DUSP19: variants seen among roughly 807,000 people sequenced by gnomAD.
DUSP19 encodes the protein dual specificity phosphatase 19.
DUSP19 carries 14 observed loss-of-function variants against 16.6 expected under a neutral mutation model. That is an observed-to-expected ratio of 0.84 (90% CI 0.56 to 1.32). DUSP19 has a LOEUF of 1.32. DUSP19 is among the 40% of genes most tolerant of loss of function. The pLI, the probability that DUSP19 is intolerant of heterozygous loss-of-function variation, is 0.00. For missense variants in DUSP19, 258 were observed against 255.9 expected, an observed-to-expected ratio of 1.01 and a Z score of -0.06; for synonymous variants, 81 against 90.5, an observed-to-expected ratio of 0.90 and a Z score of 0.59.
intron 2 of DUSP19, 32 bp from the exon 3 acceptor site, chr2:183,087,008 T>A (rs1699671343): frequency 6.3e-7 from 1 of 1,594,018 alleles, no homozygotes; most frequent in African/African-American, 1.3e-5. Flanking sequence ...TCATGGGATT[T>A]AAAACAATCA....
intron 2 of DUSP19, 94 bp from the exon 3 acceptor site, chr2:183,086,946 A>G: frequency 1.6e-6 from 2 of 1,260,586 alleles, no homozygotes; most frequent in South Asian, 1.4e-5. Context: ...TAAATTTTTT[A>G]CCTTTCTTGT....
At chr2:183,080,225 A>T (rs927518452) in intron 1 of DUSP19, among the ~76,000 whole-genome samples, 2 of 152,202 alleles carry the variant, frequency 1.3e-5, no homozygotes, top group African/African-American at 4.8e-5. Flanking sequence ...CAAGCCATTT[A>T]TCCTTTCTGG....
chr2:183,088,491 C>T (rs1231929976), intron 3 of DUSP19, among the ~76,000 whole-genome samples: 13 of 133,318 alleles, frequency 9.8e-5, no homozygotes, highest in African/African-American at 3.4e-4. Flanking sequence ...CTGTAACCTC[C>T]GGCTCACTGC....
At position 183,087,091 on chromosome 2, in the gene DUSP19, G is replaced by A. The variant is rs1316862041; in HGVS notation, c.325G>A (p.Asp109Asn). ...AYGVENAFLSDFTYKSISILD... is the reference protein window; with the variant it reads ...AYGVENAFLSNFTYKSISILD... ...TGGAGTTGAAAATGCTTTCCTCAGTGACTTTACATATAAGAGCATTTCTAT... is the reference window on the plus strand; with the variant it reads ...TGGAGTTGAAAATGCTTTCCTCAGTAACTTTACATATAAGAGCATTTCTAT... The change falls in exon 3 of 4, where the codon GAC becomes AAC. Residue 109 changes from aspartate (D) to asparagine (N), a missense_variant. Coordinates refer to ENST00000354221, the MANE Select transcript of DUSP19 (RefSeq NM_080876.4). The A allele has an allele frequency of 1.2e-6, 2 of 1,612,892 alleles. No individual in the cohort carries two copies. Among genetic ancestry groups the A allele is most frequent in the South Asian group, 2.2e-5 (2 of 90,994 alleles).
At position 183,098,655 on chromosome 2, in the gene DUSP19, C is replaced by A. The variant is rs993713100; in HGVS notation, c.*2997C>A. ...GAAAGGGAAAATGAAAACAGCATGT[C>A]TTTTTAAACATTGAAAAGAAATATG... On this transcript the variant is annotated 3_prime_UTR_variant, in exon 4 of 4. Transcript: ENST00000354221. 3.3e-5 allele frequency: 5 copies of A among 152,076 alleles called. No individual in the cohort carries two copies. Among genetic ancestry groups the A allele is most frequent in the African/African-American group, 9.7e-5 (4 of 41,422 alleles). 9.4% of individuals were successfully genotyped at this position (152,076 alleles called of 1,614,324 possible).
intron 3 of DUSP19, among the ~76,000 whole-genome samples, chr2:183,092,699 G>GTTTTTTTT (rs781697293): frequency 8.4e-6 from 1 of 119,176 alleles, no homozygotes. Context: ...TTCTGCCCAA[G>GTTTTTTTT]TTTTTTTTTT....
chr2:183,081,900 A>G (rs1447252926), intron 1 of DUSP19, among the ~76,000 whole-genome samples: 1 of 152,126 alleles, frequency 6.6e-6, no homozygotes, highest in Non-Finnish European at 1.5e-5. Flanking sequence ...AAAAAAAAAA[A>G]GTTTATGAAA....
rs1699825971 is a variant in DUSP19 at position 183,098,006 on chromosome 2, A to C, written c.*2348A>C. The stretch of plus-strand genomic sequence containing the variant: ...TCCCAGCTTCAAGCGATTCTCCTGT[A>C]TCAGCCTCCCAAGTAGCTGGGATTA... On this transcript the variant is annotated 3_prime_UTR_variant, in exon 4 of 4. Coordinates refer to ENST00000354221, the MANE Select transcript of DUSP19 (RefSeq NM_080876.4). The C allele has an allele frequency of 6.6e-6, 1 of 152,112 alleles. No individual in the cohort carries two copies. The highest frequency in any genetic ancestry group is 6.6e-5 in the Admixed American group (1 of 15,264). 9.4% of individuals were successfully genotyped at this position (152,112 alleles called of 1,614,324 possible). A position where few individuals can be genotyped will look rare whatever the true frequency, so the allele number is the denominator to read the frequency against.
intron 2 of DUSP19, among the ~76,000 whole-genome samples, chr2:183,085,847 GTTTTTTTTTTTT>G (rs71008261): frequency 7.3e-4 from 37 of 50,916 alleles, no homozygotes; most frequent in Admixed American, 1.5e-3. Flanking sequence ...AGGTTGTTAG[GTTTTTTTTTTTT>G]TTTTTTTTTT....
At chr2:183,084,454 A>G (rs553457179) in intron 2 of DUSP19, among the ~76,000 whole-genome samples, 2 of 152,212 alleles carry the variant, frequency 1.3e-5, no homozygotes, top group African/African-American at 2.4e-5. Flanking sequence ...TAAAGTGTTC[A>G]TACAGAATAA....
In DUSP19 at chr2:183,098,194, T is replaced by A. The variant is rs1013686605; in HGVS notation, c.*2536T>A. On this transcript the variant is annotated 3_prime_UTR_variant, in exon 4 of 4. Coordinates refer to ENST00000354221, the MANE Select transcript of DUSP19 (RefSeq NM_080876.4). The stretch of plus-strand genomic sequence containing the variant: ...ACGGTGTTAGCCACTACACCTGGCC[T>A]GGATTGTGTATTATTTATGTCTGTA... 3 of 152,150 alleles carry A rather than the reference T, an allele frequency of 2.0e-5. No homozygotes were observed. Among genetic ancestry groups the A allele is most frequent in the African/African-American group, 7.2e-5 (3 of 41,440 alleles). 9.4% of individuals were successfully genotyped at this position (152,150 alleles called of 1,614,324 possible).
rs1699797041 is a variant in DUSP19, at chr2:183,096,033, T to G, written c.*375T>G. On this transcript the variant is annotated 3_prime_UTR_variant, in exon 4 of 4. Coordinates refer to ENST00000354221, the MANE Select transcript of DUSP19 (RefSeq NM_080876.4). ...CAACTGTTTTTATGAAAGAAAAACT[T>G]GAAATGCTACTTAACTTACTATTTC... is the stretch of plus-strand genomic sequence containing the variant. 6.4e-6 allele frequency: 1 copy of G among 155,378 alleles called. No homozygotes were observed. The highest frequency in any genetic ancestry group is 1.4e-5 in the Non-Finnish European group (1 of 70,250). The allele number at this position is 155,378 out of a possible 1,614,324, so 9.6% of individuals were successfully genotyped here. A position where few individuals can be genotyped will look rare whatever the true frequency, so the allele number is the denominator to read the frequency against.
intron 1 of DUSP19, among the ~76,000 whole-genome samples, chr2:183,082,599 T>G (rs965240748): frequency 6.6e-6 from 1 of 151,780 alleles, no homozygotes; most frequent in Non-Finnish European, 1.5e-5. Context: ...AATTTTTGTA[T>G]TTTTAGTAGA....
At chr2:183,095,344 C>A in intron 3 of DUSP19, 87 bp from the exon 4 acceptor site, 1 of 1,041,252 alleles carries the variant, frequency 9.6e-7, no homozygotes, top group Non-Finnish European at 1.4e-6. Flanking sequence ...TTACTTTATA[C>A]TTTCAAGTAG....
Position 183,097,479 on chromosome 2 carries a change from G to A in DUSP19, c.*1821G>A, listed in dbSNP as rs891067749. The A allele has an allele frequency of 1.1e-4, 16 of 152,188 alleles. No homozygotes were observed. Among genetic ancestry groups the A allele is most frequent in the African/African-American group, 3.9e-4 (16 of 41,446 alleles). 9.4% of individuals were successfully genotyped at this position (152,188 alleles called of 1,614,324 possible). A position where few individuals can be genotyped will look rare whatever the true frequency, so the allele number is the denominator to read the frequency against. On this transcript the variant is annotated 3_prime_UTR_variant, in exon 4 of 4. Coordinates refer to ENST00000354221, the MANE Select transcript of DUSP19 (RefSeq NM_080876.4). ...TGAACACATCTGTGCATTTGAGAAG[G>A]CAGGCTTTCATATGCTGTCATGAGC... is the stretch of plus-strand genomic sequence containing the variant.
In DUSP19 at chr2:183,095,517, C is replaced by T. The variant is rs767227404; in HGVS notation, c.513C>T (p.Thr171=). The T allele has an allele frequency of 4.9e-5, 79 of 1,613,594 alleles. 1 individual carries two copies. The South Asian group carries it at 7.8e-4, about 16-fold the overall frequency. ...GTTTCCTGATGAATTCTGAACAAACCTCATTTACCAGTGCTTTTTCTTTGG... is the reference window on the plus strand; with the variant it reads ...GTTTCCTGATGAATTCTGAACAAACTTCATTTACCAGTGCTTTTTCTTTGG... The part of the protein sequence containing the change: ...VIGFLMNSEQ[T]SFTSAFSLVK... The change falls in exon 4 of 4, where the codon ACC becomes ACT. Residue 171 remains threonine (T), a synonymous_variant. Transcript: ENST00000354221.
At chr2:183,092,426 T>C (rs1043281810) in intron 3 of DUSP19, among the ~76,000 whole-genome samples, 1 of 152,140 alleles carries the variant, frequency 6.6e-6, no homozygotes. Flanking sequence ...CAGTTTGTGT[T>C]GTTCCGCTCC....
intron 1 of DUSP19, among the ~76,000 whole-genome samples, chr2:183,081,413 T>A (rs1436389850): frequency 2.0e-5 from 3 of 152,022 alleles, no homozygotes; most frequent in Non-Finnish European, 4.4e-5. Flanking sequence ...CCTGGCTAAT[T>A]TTTTTGTACT....
intron 2 of DUSP19, 124 bp downstream of exon 2, chr2:183,083,678 A>G (rs755403839): frequency 1.4e-6 from 1 of 697,984 alleles, no homozygotes; most frequent in Non-Finnish European, 2.2e-6. Context: ...TTTGGCTATC[A>G]TTTCAATAGA....
Sources: allele counts gnomAD v4.1 joint callset (sites outside exome capture counted in the v4.1 genomes callset), GRCh38; gene constraint gnomAD v4.1.1; transcripts MANE v1.5; gene names NCBI Gene and HGNC (gene_info 2026-07-23, HGNC 2026-07-21).